WWP2: variants seen among roughly 807,000 people sequenced by gnomAD.
WWP2 encodes WW domain containing E3 ubiquitin protein ligase 2.
In WWP2, 57 loss-of-function variants were observed where a neutral mutation model predicts 121.0. The observed-to-expected ratio is 0.47, with a 90% confidence interval of 0.38 to 0.59. The LOEUF (loss-of-function observed/expected upper bound fraction) is 0.59. Ranked by LOEUF, WWP2 falls within the 20% of genes least tolerant of loss-of-function variation. The probability of loss-of-function intolerance (pLI) is 0.00; values close to 1 mark genes in which losing one functional copy is unlikely to be tolerated. For synonymous variants in WWP2, 449 were observed against 441.3 expected, an observed-to-expected ratio of 1.02 and a Z score of -0.22; for missense variants, 962 against 1,158.9, an observed-to-expected ratio of 0.83 and a Z score of 2.47.
intron 4 of WWP2, among the ~76,000 whole-genome samples, chr16:69,807,747 A>G (rs2151826513): frequency 6.6e-6 from 1 of 151,946 alleles, no homozygotes; most frequent in Non-Finnish European, 1.5e-5. Context: ...GAGCTCAGGA[A>G]TTTGAGACCA....
chr16:69,917,474 AAC>A, intron 9 of WWP2: 1 of 441,492 alleles, frequency 2.3e-6, no homozygotes, highest in Non-Finnish European at 4.1e-6. Flanking sequence ...TGAGGTTGGG[AAC>A]AGAGTCAGCT....
intron 10 of WWP2, among the ~76,000 whole-genome samples, chr16:69,920,199 T>G (rs1216515797): frequency 6.6e-6 from 1 of 152,148 alleles, no homozygotes; most frequent in Non-Finnish European, 1.5e-5. Context: ...GAGGAAACCA[T>G]GGAGGACCTC....
intron 8 of WWP2, among the ~76,000 whole-genome samples, chr16:69,902,801 G>A (rs769865557): frequency 5.3e-5 from 8 of 152,150 alleles, no homozygotes; most frequent in African/African-American, 1.7e-4. Flanking sequence ...GTGAGTCAGC[G>A]GCCACTGAGG....
At chr16:69,881,243 C>T (rs544407074) in intron 7 of WWP2, among the ~76,000 whole-genome samples, 2 of 152,204 alleles carry the variant, frequency 1.3e-5, no homozygotes, top group South Asian at 2.1e-4. Context: ...TCGCTCCCCA[C>T]GCCCACTGTT....
chr16:69,920,226 G>C (rs1365687378), intron 10 of WWP2, among the ~76,000 whole-genome samples: 2 of 152,162 alleles, frequency 1.3e-5, no homozygotes, highest in African/African-American at 4.8e-5. Flanking sequence ...CTTAGCAGAG[G>C]TGAGCAGAAA....
intron 6 of WWP2, among the ~76,000 whole-genome samples, chr16:69,851,595 A>G (rs368203015): frequency 2.0e-5 from 3 of 152,238 alleles, no homozygotes; most frequent in African/African-American, 4.8e-5. Flanking sequence ...TCCACAGTTT[A>G]TTCATTCATT....
rs1597161151 is a variant in WWP2 at position 69,919,781 on chromosome 16, C to T, written c.1179+1898C>T. Among the ~76,000 whole-genome samples, 3 of 150,094 alleles carry T rather than the reference C, an allele frequency of 2.0e-5. No individual in the cohort carries two copies. The South Asian group carries it at 6.3e-4, about 31-fold the overall frequency. On this transcript the variant is annotated intron_variant, in intron 10 of 23. Coordinates refer to ENST00000359154, the MANE Select transcript of WWP2 (RefSeq NM_001270454.2). ...AGGCTGGAAATGTTTTGAGCTGGGT[C>T]CCTGACTTTTTTTTTTTTTTTTTTT...
chr16:69,853,389 C>T (rs2057253724), intron 6 of WWP2, among the ~76,000 whole-genome samples: 1 of 152,128 alleles, frequency 6.6e-6, no homozygotes, highest in African/African-American at 2.4e-5. Flanking sequence ...GGTGTGCAGG[C>T]GATGAGGCAT....
intron 6 of WWP2, among the ~76,000 whole-genome samples, chr16:69,865,830 G>A (rs1026667290): frequency 6.6e-6 from 1 of 152,202 alleles, no homozygotes; most frequent in African/African-American, 2.4e-5. Flanking sequence ...CACAGCCTCC[G>A]TGGCCTGGCC....
At chr16:69,840,024 C>T in intron 4 of WWP2, 102 bp from the exon 5 acceptor site, 8 of 1,517,810 alleles carry the variant, frequency 5.3e-6, no homozygotes, top group Non-Finnish European at 7.2e-6. Context: ...AAAGCATTCC[C>T]AGAGAAGCCA....
Position 69,882,010 on chromosome 16 carries a change from G to A in WWP2, c.704-6029G>A, listed in dbSNP as rs143194695. Among the ~76,000 whole-genome samples the A allele has an allele frequency of 2.3e-3, 350 of 148,972 alleles. 1 individual carries two copies. Among genetic ancestry groups the A allele is most frequent in the Non-Finnish European group, 2.6e-3 (178 of 67,484 alleles). On this transcript the variant is annotated intron_variant, in intron 7 of 23. Coordinates refer to ENST00000359154, the MANE Select transcript of WWP2 (RefSeq NM_001270454.2). ...GCCCGGCCTAATTTTTGTATAGATG[G>A]GGTTTTGCCATGTTGACCAAGCTGG...
chr16:69,874,328 G>A (rs2057697356), intron 7 of WWP2, among the ~76,000 whole-genome samples: 1 of 152,156 alleles, frequency 6.6e-6, no homozygotes, highest in East Asian at 1.9e-4. Context: ...GTGTGAATGA[G>A]GACATCTTCA....
chr16:69,883,746 T>C (rs1342475842), intron 7 of WWP2, among the ~76,000 whole-genome samples: 1 of 151,884 alleles, frequency 6.6e-6, no homozygotes, highest in Non-Finnish European at 1.5e-5. Context: ...CTGCAAAAAC[T>C]GTTAAACAGA....
intron 11 of WWP2, among the ~76,000 whole-genome samples, chr16:69,926,702 T>C (rs904804): frequency 0.81 from 122,604 of 152,080 alleles, 49,927 homozygotes; most frequent in East Asian, 0.96. Flanking sequence ...ATGTTCAGCT[T>C]GGGGATCCCT....
At chr16:69,878,267 A>G (rs2057769237) in intron 7 of WWP2, among the ~76,000 whole-genome samples, 1 of 152,188 alleles carries the variant, frequency 6.6e-6, no homozygotes, top group Non-Finnish European at 1.5e-5. Context: ...AGAATTACCA[A>G]AATGTGACAC....
chr16:69,817,162 T>C (rs377607485), intron 4 of WWP2, among the ~76,000 whole-genome samples: 31 of 152,334 alleles, frequency 2.0e-4, no homozygotes, highest in South Asian at 1.0e-3. Flanking sequence ...TCATTATACA[T>C]ATTTCTTTGT....
intron 6 of WWP2, among the ~76,000 whole-genome samples, chr16:69,851,762 C>T (rs2057218586): frequency 6.6e-6 from 1 of 152,032 alleles, no homozygotes; most frequent in African/African-American, 2.4e-5. Flanking sequence ...AGGCATATCG[C>T]AAGGTCAAGA....
chr16:69,905,348 G>T (rs1281215883), intron 8 of WWP2, among the ~76,000 whole-genome samples: 1 of 152,174 alleles, frequency 6.6e-6, no homozygotes, highest in East Asian at 1.9e-4. Flanking sequence ...CCTCCTAGTG[G>T]TGCAAAATGT....
intron 4 of WWP2, among the ~76,000 whole-genome samples, chr16:69,806,934 T>TTTTATTTATTTATTTA (rs745755357): frequency 5.8e-4 from 86 of 148,496 alleles, no homozygotes; most frequent in South Asian, 1.3e-3. Context: ...CCTAGATCTG[T>TTTTATTTATTTATTTA]TTTATTTATT....
Sources: gnomAD v4.1 joint callset for allele counts (sites outside exome capture counted in the v4.1 genomes callset) on GRCh38, gnomAD v4.1.1 for gene constraint, MANE v1.5 for transcripts, NCBI Gene and HGNC (gene_info 2026-07-23, HGNC 2026-07-21) for gene names.